The following TERF2 variants were observed in gnomAD, a reference collection of about 807,000 sequenced individuals.
TERF2 encodes telomeric repeat binding factor 2.
Under a neutral mutation model 56.1 loss-of-function variants are expected in TERF2, and 16 were observed. That is an observed-to-expected ratio of 0.29 (90% confidence interval 0.19 to 0.43). The LOEUF (loss-of-function observed/expected upper bound fraction) is 0.43. Among genes scored for constraint, TERF2 ranks in the 20% least tolerant of loss-of-function variants. The pLI is 1.00. For missense variants in TERF2, 547 were observed against 712.9 expected, an observed-to-expected ratio of 0.77 and a Z score of 2.65; for synonymous variants, 296 against 282.1, an observed-to-expected ratio of 1.05 and a Z score of -0.50.
At position 69,385,495 on chromosome 16, in the gene TERF2, G is replaced by A. The variant is rs2014161177; in HGVS notation, c.380-9C>T. 6.2e-7 allele frequency: 1 copy of A among 1,613,984 alleles called. No homozygotes were observed. The highest frequency in any genetic ancestry group is 8.5e-7 in the Non-Finnish European group (1 of 1,179,960). ...GGGCCTGACAAGCAAAGCTGGGAGA[G>A]AAGACATCGTTGGCTGGGCGACCCC... On this transcript the variant is annotated splice_polypyrimidine_tract_variant and intron_variant, in intron 1 of 9. Coordinates refer to ENST00000254942, the MANE Select transcript of TERF2 (RefSeq NM_005652.5).
intron 7 of TERF2, 37 bp from the exon 8 acceptor site, chr16:69,361,526 A>G: frequency 6.9e-7 from 1 of 1,444,966 alleles, no homozygotes; most frequent in Non-Finnish European, 9.7e-7. Context: ...GTATAAAACA[A>G]ATTCACCCTG....
At chr16:69,385,557 G>A (rs1451357609) in intron 1 of TERF2, 36 bp downstream of exon 1, 2 of 734,418 alleles carry the variant, frequency 2.7e-6, no homozygotes, top group African/African-American at 2.4e-5. Context: ...CCCCTTCCCC[G>A]GCGCTCCAAC....
At chr16:69,370,865 T>C (rs1294696411) in intron 4 of TERF2, among the ~76,000 whole-genome samples, 1 of 152,154 alleles carries the variant, frequency 6.6e-6, no homozygotes, top group Non-Finnish European at 1.5e-5. Context: ...TATGCTAACA[T>C]AGAATGATTC....
Position 69,385,768 on chromosome 16 carries a change from G to A in TERF2, c.204C>T (p.Ala68=), listed in dbSNP as rs2014179643. The change falls in exon 1 of 10, where the codon GCC becomes GCT. Residue 68 remains alanine (A), a synonymous_variant. Transcript: ENST00000254942. ...GCCCCGGCTCGTGGCGCCCCCGCCGGGCCCGCCCGCTACTGCGGGACGCCC... is the reference window on the plus strand; with the variant it reads ...GCCCCGGCTCGTGGCGCCCCCGCCGAGCCCGCCCGCTACTGCGGGACGCCC... ...GRRASRSSGR[A]RRGRHEPGLG... is the part of the protein sequence containing the mutation. 7.5e-7 allele frequency: 1 copy of A among 1,334,722 alleles called. No individual in the cohort carries two copies. 82.7% of individuals were successfully genotyped at this position (1,334,722 alleles called of 1,614,324 possible).
At chr16:69,376,888 A>G (rs939295341) in intron 3 of TERF2, among the ~76,000 whole-genome samples, 4 of 150,692 alleles carry the variant, frequency 2.7e-5, no homozygotes, top group African/African-American at 9.8e-5. Context: ...AAACTGAGAA[A>G]AAGACAAAGA....
intron 6 of TERF2, 133 bp from the exon 7 acceptor site, chr16:69,367,332 T>C (rs2013390995): frequency 2.1e-6 from 2 of 969,442 alleles, no homozygotes; most frequent in Non-Finnish European, 3.0e-6. Flanking sequence ...TAAGTTGTAT[T>C]ATGAATTTAA....
intron 3 of TERF2, among the ~76,000 whole-genome samples, chr16:69,376,982 C>A (rs1372267740): frequency 1.3e-5 from 2 of 151,888 alleles, no homozygotes; most frequent in Non-Finnish European, 2.9e-5. Flanking sequence ...AGGCGGATTG[C>A]CTGAGGTTGG....
intron 3 of TERF2, among the ~76,000 whole-genome samples, chr16:69,380,008 G>A (rs1032884390): frequency 6.6e-6 from 1 of 151,948 alleles, no homozygotes; most frequent in Non-Finnish European, 1.5e-5. Context: ...TCGCCTCCTG[G>A]GTTCAAGCGA....
At chr16:69,377,597 T>C (rs905556599) in intron 3 of TERF2, among the ~76,000 whole-genome samples, 1 of 152,224 alleles carries the variant, frequency 6.6e-6, no homozygotes, top group African/African-American at 2.4e-5. Flanking sequence ...AAGTGCTGCC[T>C]GGCCTTAATC....
chr16:69,362,416 G>A (rs146867259), intron 7 of TERF2, among the ~76,000 whole-genome samples: 190 of 152,074 alleles, frequency 1.2e-3, no homozygotes, highest in Non-Finnish European at 2.3e-3. Context: ...GGACCGCCTC[G>A]AAGGCGGGGG....
In TERF2 at chr16:69,356,990, C is replaced by T. The variant is rs1173325251; in HGVS notation, c.1537G>A (p.Ala513Thr). Residue 513 changes from alanine (A) to threonine (T), a missense_variant, in exon 10 of 10, where the codon GCT (alanine) becomes ACT (threonine). Around this residue, in one of 6 missense-constraint regions of TERF2, gnomAD observed 33 missense variants for 69.9 expected, o/e 0.47. Coordinates refer to ENST00000254942, the MANE Select transcript of TERF2 (RefSeq NM_005652.5). ...GVQKYGEGNW[A>T]AISKNYPFVN... is the part of the protein sequence containing the mutation. ...AATGGGTAATTTTTAGAAATGGCAGCCCAGTTTCCTTCCCCATATTTCTGC... is the reference window on the plus strand; with the variant it reads ...AATGGGTAATTTTTAGAAATGGCAGTCCAGTTTCCTTCCCCATATTTCTGC... 6.2e-7 allele frequency: 1 copy of T among 1,614,004 alleles called. No individual in the cohort carries two copies. Among genetic ancestry groups the T allele is most frequent in the South Asian group, 1.1e-5 (1 of 91,076 alleles).
chr16:69,382,071 A>G (rs1417648691), intron 3 of TERF2, among the ~76,000 whole-genome samples: 2 of 152,336 alleles, frequency 1.3e-5, no homozygotes, highest in Admixed American at 6.5e-5. Context: ...TGTACCATCA[A>G]TGCAAATGCC....
rs764500268 is a variant in TERF2 at position 69,370,643 on chromosome 16, C to A, written c.694-14G>T. ...ATTTCTCAGCTTCTACACAATGGAC[C>A]GATATTTGCAACATGAGAAAGTAGA... On this transcript the variant is annotated splice_polypyrimidine_tract_variant and intron_variant, in intron 4 of 9. Transcript: ENST00000254942. 1.3e-6 allele frequency: 2 copies of A among 1,588,762 alleles called. No homozygotes were observed. The highest frequency in any genetic ancestry group is 1.7e-6 in the Non-Finnish European group (2 of 1,167,032).
At chr16:69,367,325 G>C in intron 6 of TERF2, 126 bp from the exon 7 acceptor site, 2 of 986,762 alleles carry the variant, frequency 2.0e-6, no homozygotes, top group Middle Eastern at 3.1e-4. Flanking sequence ...TGATATGTAA[G>C]TTGTATTATG....
At chr16:69,385,234 G>GC (rs2014149073) in intron 2 of TERF2, among the ~76,000 whole-genome samples, 157 bp downstream of exon 2, 1 of 151,988 alleles carries the variant, frequency 6.6e-6, no homozygotes. Context: ...GAAAACTAGA[G>GC]CCAGTCGAGC....
At chr16:69,373,936 T>C (rs1404222074) in intron 3 of TERF2, among the ~76,000 whole-genome samples, 1 of 152,242 alleles carries the variant, frequency 6.6e-6, no homozygotes, top group African/African-American at 2.4e-5. Flanking sequence ...AGGAAATTCA[T>C]TAAGTACTAA....
Position 69,385,831 on chromosome 16 carries a change from G to T in TERF2, c.141C>A (p.Gly47=). 1 of 1,343,658 alleles carries T rather than the reference G, an allele frequency of 7.4e-7. No homozygotes were observed. The highest frequency in any genetic ancestry group is 9.6e-7 in the Non-Finnish European group (1 of 1,045,746). The allele number at this position is 1,343,658 out of a possible 1,614,324, so 83.2% of individuals were successfully genotyped here. The part of the protein sequence containing the change: ...ARRSDTMAGG[G]GSSDGSGRAA... ...CCCGCCCGCTGCCGTCGCTACTCCC[G>T]CCTCCTCCCGCCATCGTGTCCGATC... Residue 47 remains glycine (G), a synonymous_variant, in exon 1 of 10, where the codon GGC becomes GGA. Transcript: ENST00000254942.
At chr16:69,370,667 G>A (rs767825494) in intron 4 of TERF2, 38 bp from the exon 5 acceptor site, 3 of 1,563,794 alleles carry the variant, frequency 1.9e-6, no homozygotes, top group South Asian at 2.4e-5. Context: ...TGAGAAAGTA[G>A]AACTCCAGTA....
intron 5 of TERF2, chr16:69,368,726 C>A: frequency 3.4e-6 from 3 of 881,734 alleles, no homozygotes. Context: ...GCCCAGGCTG[C>A]AGCACAGTGG....
Sources: gnomAD v4.1 joint callset for allele counts (sites outside exome capture counted in the v4.1 genomes callset) on GRCh38, gnomAD v4.1.1 for gene constraint, gnomAD v4.1.1 regional missense constraint, MANE v1.5 for transcripts, NCBI Gene and HGNC (gene_info 2026-07-23, HGNC 2026-07-21) for gene names.